Variants in RBFOX1 observed in about 807,000 individuals in gnomAD.
RBFOX1 encodes RNA binding protein fox-1 homolog 1.
In RBFOX1, 8 loss-of-function variants were observed where a neutral mutation model predicts 57.7. The observed-to-expected ratio is 0.14, with a 90% CI of 0.08 to 0.25. The LOEUF (loss-of-function observed/expected upper bound fraction) is 0.25. Ranked by LOEUF, RBFOX1 falls within the 10% of genes least tolerant of loss-of-function variation. The probability of loss-of-function intolerance (pLI) is 1.00; values close to 1 mark genes in which losing one functional copy is unlikely to be tolerated. For missense variants in RBFOX1, 611 were observed against 548.5 expected (o/e 1.11, Z -1.14); for synonymous variants, 326 against 222.4 (o/e 1.47, Z -4.15).
intron 2 of RBFOX1, among the ~76,000 whole-genome samples, chr16:6,569,936 A>G (rs2097322063): frequency 6.6e-6 from 1 of 152,204 alleles, no homozygotes; most frequent in East Asian, 1.9e-4. Context: ...CTTGTCCTCA[A>G]TAATAAAATT....
At chr16:5,598,831 C>T (rs2047271865) in intron 2 of RBFOX1, 2 of 1,222,640 alleles carry the variant, frequency 1.6e-6, no homozygotes, top group Admixed American at 2.6e-5. Flanking sequence ...AACTGGGTTA[C>T]TCAAGGTTAG....
chr16:6,998,272 A>G (rs1156895297), intron 3 of RBFOX1, among the ~76,000 whole-genome samples: 1 of 152,208 alleles, frequency 6.6e-6, no homozygotes, highest in Non-Finnish European at 1.5e-5. Context: ...ATGGGGTTCT[A>G]GAAACTGGCT....
At chr16:7,581,863 A>T (rs1275164620) in intron 6 of RBFOX1, among the ~76,000 whole-genome samples, 2 of 152,004 alleles carry the variant, frequency 1.3e-5, no homozygotes, top group Non-Finnish European at 2.9e-5. Context: ...GGCACAAGCC[A>T]CCATGCTTGG....
intron 4 of RBFOX1, among the ~76,000 whole-genome samples, chr16:7,347,981 GC>G (rs1235081038): frequency 6.6e-6 from 1 of 152,146 alleles, no homozygotes; most frequent in Non-Finnish European, 1.5e-5. Flanking sequence ...AGAAAGCAAG[GC>G]CCACCTTGGT....
intron 4 of RBFOX1, among the ~76,000 whole-genome samples, chr16:7,481,594 T>C (rs1034985): frequency 0.17 from 26,076 of 152,138 alleles, 3,073 homozygotes; most frequent in East Asian, 0.42. Context: ...CCTGAAGGAA[T>C]CTTGCAGATA....
chr16:5,270,619 G>C, intron 1 of RBFOX1: 1 of 585,352 alleles, frequency 1.7e-6, no homozygotes, highest in Non-Finnish European at 3.2e-6. Context: ...GCAACAATCA[G>C]ATACTGAAGA....
At chr16:5,829,313 G>A (rs2056183845) in intron 3 of RBFOX1, among the ~76,000 whole-genome samples, 1 of 152,184 alleles carries the variant, frequency 6.6e-6, no homozygotes, top group African/African-American at 2.4e-5. Flanking sequence ...TCAAGCAGGG[G>A]AGTCACATGA....
intron 4 of RBFOX1, among the ~76,000 whole-genome samples, chr16:7,155,274 A>T (rs978971754): frequency 6.6e-6 from 1 of 152,078 alleles, no homozygotes; most frequent in African/African-American, 2.4e-5. Flanking sequence ...GTTCCAGAAT[A>T]GCAAGTCTTG....
intron 11 of RBFOX1, among the ~76,000 whole-genome samples, chr16:7,638,403 T>C (rs960123366): frequency 3.4e-5 from 4 of 118,596 alleles, no homozygotes; most frequent in African/African-American, 1.2e-4. Context: ...CAAGCCGCCT[T>C]CTTCACTACT....
intron 3 of RBFOX1, among the ~76,000 whole-genome samples, chr16:5,759,937 C>T (rs114932863): frequency 2.5e-3 from 372 of 151,512 alleles, no homozygotes; most frequent in African/African-American, 8.7e-3. Flanking sequence ...CCCTTTTGTG[C>T]GTATTTCAAC....
At chr16:6,184,689 A>G (rs1057502572) in intron 1 of RBFOX1, among the ~76,000 whole-genome samples, 1 of 151,436 alleles carries the variant, frequency 6.6e-6, no homozygotes. Flanking sequence ...CGTCTCGAGT[A>G]GCTGGGATTA....
chr16:6,138,728 T>A (rs8046558), intron 1 of RBFOX1, among the ~76,000 whole-genome samples: 1 of 152,186 alleles, frequency 6.6e-6, no homozygotes, highest in African/African-American at 2.4e-5. Flanking sequence ...TTAGCAAGGG[T>A]TGGTGGCAGG....
At chr16:7,065,472 C>G (rs1477806491) in intron 4 of RBFOX1, among the ~76,000 whole-genome samples, 1 of 152,182 alleles carries the variant, frequency 6.6e-6, no homozygotes, top group Non-Finnish European at 1.5e-5. Context: ...CCTGCTTCTG[C>G]AGCAAAGCTG....
chr16:7,636,057 G>A (rs1027887453), intron 11 of RBFOX1, among the ~76,000 whole-genome samples: 2 of 152,202 alleles, frequency 1.3e-5, no homozygotes, highest in South Asian at 2.1e-4. Context: ...TGATCCACCC[G>A]CCTTGGCCGC....
intron 1 of RBFOX1, among the ~76,000 whole-genome samples, chr16:6,232,895 T>C (rs9940011): frequency 6.6e-6 from 1 of 151,920 alleles, no homozygotes; most frequent in African/African-American, 2.4e-5. Context: ...ACATGTCCAG[T>C]CTCTTCTGTG....
intron 1 of RBFOX1, among the ~76,000 whole-genome samples, chr16:5,407,922 TG>T (rs1371120839): frequency 6.6e-6 from 1 of 152,214 alleles, no homozygotes; most frequent in African/African-American, 2.4e-5. Context: ...ATTTACATTT[TG>T]GCAAGATCAC....
At chr16:6,701,850 A>G (rs2061902879) in intron 3 of RBFOX1, among the ~76,000 whole-genome samples, 1 of 152,196 alleles carries the variant, frequency 6.6e-6, no homozygotes, top group African/African-American at 2.4e-5. Flanking sequence ...TAACATAGGA[A>G]CAGAAAAGCA....
intron 4 of RBFOX1, among the ~76,000 whole-genome samples, chr16:5,980,638 T>G (rs2060153193): frequency 6.6e-6 from 1 of 152,104 alleles, no homozygotes; most frequent in Non-Finnish European, 1.5e-5. Flanking sequence ...TGTGATAATT[T>G]TAGGTAAGAC....
chr16:5,705,554 T>A (rs1397306519), intron 3 of RBFOX1, among the ~76,000 whole-genome samples: 1 of 152,178 alleles, frequency 6.6e-6, no homozygotes, highest in Non-Finnish European at 1.5e-5. Flanking sequence ...ACATTGACAT[T>A]AGTACACACA....
Sources: allele counts gnomAD v4.1 joint callset (sites outside exome capture counted in the v4.1 genomes callset), GRCh38; gene constraint gnomAD v4.1.1; transcripts MANE v1.5; gene names NCBI Gene and HGNC (gene_info 2026-07-23, HGNC 2026-07-21).